CCT7: variants seen among roughly 807,000 people sequenced by gnomAD.
CCT7 encodes the protein chaperonin containing TCP1 subunit 7.
In CCT7, 16 loss-of-function variants were observed where a neutral mutation model predicts 56.6. The observed-to-expected ratio is 0.28, with a 90% confidence interval of 0.19 to 0.43. CCT7 has a LOEUF of 0.43. Ranked by LOEUF, CCT7 falls within the 20% of genes least tolerant of loss-of-function variation. The pLI is 1.00. For missense variants in CCT7, 519 were observed against 685.6 expected (o/e 0.76, Z 2.71); for synonymous variants, 262 against 254.8 (o/e 1.03, Z -0.27).
rs756429492 is a variant in CCT7, at chr2:73,252,860, G to A, written c.1631G>A (p.Ter544=). ...GGCCGTGGTCGTGGCCGCCCCCACT[G>A]AGAGGCACCCCACCCATCACATGGC... is the stretch of plus-strand genomic sequence containing the variant. ...GRGRGRGRPH[*] The change falls in exon 12 of 12, where the codon TGA becomes TAA. Residue 544 remains the stop codon, a stop_retained_variant. Coordinates refer to ENST00000258091, the MANE Select transcript of CCT7 (RefSeq NM_006429.4). The A allele has an allele frequency of 1.2e-6, 2 of 1,612,106 alleles. No individual in the cohort carries two copies. Among genetic ancestry groups the A allele is most frequent in the Admixed American group, 1.7e-5 (1 of 59,926 alleles).
intron 1 of CCT7, among the ~76,000 whole-genome samples, chr2:73,236,334 G>A (rs1383370947): frequency 2.0e-5 from 3 of 151,662 alleles, no homozygotes; most frequent in Non-Finnish European, 4.4e-5. Context: ...GTCTGCTCTT[G>A]TTTCTTTTTC....
chr2:73,244,313 G>C, intron 5 of CCT7: 1 of 601,438 alleles, frequency 1.7e-6, no homozygotes, highest in South Asian at 2.2e-5. Flanking sequence ...CTGTGTCCCA[G>C]CCCACAGAGC....
intron 1 of CCT7, among the ~76,000 whole-genome samples, chr2:73,236,541 G>A (rs1201750091): frequency 1.3e-5 from 2 of 152,102 alleles, no homozygotes; most frequent in Non-Finnish European, 2.9e-5. Flanking sequence ...GGGTTTCACC[G>A]TGTTGACCAG....
intron 6 of CCT7, among the ~76,000 whole-genome samples, chr2:73,246,081 GC>G (rs1027477650): frequency 6.6e-6 from 1 of 152,176 alleles, no homozygotes; most frequent in African/African-American, 2.4e-5. Context: ...AGCCACACTT[GC>G]GTTTTTCCGA....
chr2:73,237,217 TTGGAAGAATTGGAGCTC>T lies in CCT7; in HGVS notation c.7-2423_7-2407del, dbSNP rs377553103. On this transcript the variant is annotated intron_variant, in intron 1 of 11. Coordinates refer to ENST00000258091, the MANE Select transcript of CCT7 (RefSeq NM_006429.4). ...TGTTTATTACTGTAGAGAAAACTTCTTGGAAGAATTGGAGCTCTGAGGAATTGGTGGCCTGGTGGTGA... is the reference window on the plus strand; with the variant it reads ...TGTTTATTACTGTAGAGAAAACTTCTTGAGGAATTGGTGGCCTGGTGGTGA... Among the ~76,000 whole-genome samples, 100 of 152,322 alleles carry T rather than the reference TTGGAAGAATTGGAGCTC, an allele frequency of 6.6e-4. 1 individual carries two copies. In the East Asian group the frequency reaches 0.013, roughly 20 times the overall value.
intron 3 of CCT7, among the ~76,000 whole-genome samples, chr2:73,241,522 G>C (rs1298694883): frequency 6.6e-6 from 1 of 152,050 alleles, no homozygotes; most frequent in Admixed American, 6.5e-5. Context: ...AGGCCAAGGT[G>C]GGAGGATCCC....
intron 6 of CCT7, among the ~76,000 whole-genome samples, chr2:73,246,798 C>T (rs551558354): frequency 6.6e-6 from 1 of 152,274 alleles, no homozygotes; most frequent in African/African-American, 2.4e-5. Context: ...AATTTCTGCT[C>T]ATCTGTCATT....
In CCT7 at chr2:73,244,702, G is replaced by C; in HGVS notation, c.605G>C (p.Gly202Ala). ...LKMIGIKKVQ[G>A]GALEDSQLVA... Reference sequence around the variant, plus strand: ...ATGATTGGAATCAAGAAGGTACAGGGTGGAGCCCTCGAGGTAAGCCTGCTG... The same window carrying C: ...ATGATTGGAATCAAGAAGGTACAGGCTGGAGCCCTCGAGGTAAGCCTGCTG... Residue 202 changes from glycine (G) to alanine (A), a missense_variant, in exon 6 of 12, where the codon GGT becomes GCT. Gly to Ala is a moderately conservative substitution (Grantham distance 60). Around this residue, in one of 3 missense-constraint regions of CCT7, gnomAD observed 276 missense variants for 357.3 expected, o/e 0.77. Coordinates refer to ENST00000258091, the MANE Select transcript of CCT7 (RefSeq NM_006429.4). 6.2e-7 allele frequency: 1 copy of C among 1,612,020 alleles called. No homozygotes were observed. The highest frequency in any genetic ancestry group is 8.5e-7 in the Non-Finnish European group (1 of 1,178,578).
At chr2:73,249,289 G>GTTT in intron 8 of CCT7, 110 bp downstream of exon 8, 34 of 620,548 alleles carry the variant, frequency 5.5e-5, no homozygotes, top group East Asian at 7.4e-5. Context: ...ATTGAGCCCT[G>GTTT]TTTTTTTTTT....
intron 8 of CCT7, 71 bp downstream of exon 8, chr2:73,249,250 A>G: frequency 1.6e-6 from 2 of 1,221,360 alleles, no homozygotes; most frequent in Non-Finnish European, 2.3e-6. Flanking sequence ...CCCTGGTATA[A>G]CAGAGTGTAC....
intron 5 of CCT7, chr2:73,244,259 C>T (rs1203327379): frequency 6.4e-6 from 4 of 627,018 alleles, no homozygotes; most frequent in Non-Finnish European, 1.1e-5. Flanking sequence ...ATGCTGCAAT[C>T]CCTCTATGTG....
chr2:73,234,532 G>A lies in CCT7; in HGVS notation c.6+148G>A, dbSNP rs1686773845. The A allele has an allele frequency of 6.1e-6, 6 of 976,560 alleles. No individual in the cohort carries two copies. In the Admixed American group the frequency reaches 6.6e-5, roughly 11 times the overall value. The allele number at this position is 976,560 out of a possible 1,614,324, so 60.5% of individuals were successfully genotyped here. A position where few individuals can be genotyped will look rare whatever the true frequency, so the allele number is the denominator to read the frequency against. ...CCCAGCTTAGGGGCGACCCCAGCCA[G>A]CCGCGGCCTGGCTCGGCCCGAGCAC... On this transcript the variant is annotated intron_variant, in intron 1 of 11. Coordinates refer to ENST00000258091, the MANE Select transcript of CCT7 (RefSeq NM_006429.4).
Position 73,249,836 on chromosome 2 carries a change from C to T in CCT7, c.990C>T (p.Ile330=). Residue 330 remains isoleucine, a synonymous_variant, in exon 9 of 12, where the codon ATC becomes ATT. Coordinates refer to ENST00000258091, the MANE Select transcript of CCT7 (RefSeq NM_006429.4). The stretch of plus-strand genomic sequence containing the variant: ...CTCCCTAGGCCTGTGGAGGCTCAAT[C>T]CAGACCAGTGTGAATGCTCTGTCAG... ...KRTMMACGGS[I]QTSVNALSAD... 1 of 1,613,332 alleles carries T rather than the reference C, an allele frequency of 6.2e-7. No homozygotes were observed. The highest frequency in any genetic ancestry group is 8.5e-7 in the Non-Finnish European group (1 of 1,179,252).
At chr2:73,244,519 T>TG in intron 5 of CCT7, 25 bp from the exon 6 acceptor site, 2 of 1,589,998 alleles carry the variant, frequency 1.3e-6, no homozygotes, top group Non-Finnish European at 1.7e-6. Flanking sequence ...CAAGACCTGA[T>TG]GCAGATTCTG....
intron 1 of CCT7, among the ~76,000 whole-genome samples, chr2:73,236,310 G>A (rs1686881313): frequency 6.6e-6 from 1 of 152,034 alleles, no homozygotes; most frequent in African/African-American, 2.4e-5. Flanking sequence ...TTATACCTGT[G>A]GCCAATTACT....
rs914267243 is a variant in CCT7, at chr2:73,234,358, G to A, written c.-21G>A. ...CTCGGAGAAGAGGGGAGAGTGGCGGGCCGCTGAATAAGCTTCCAAAATGAT... is the reference window on the plus strand; with the variant it reads ...CTCGGAGAAGAGGGGAGAGTGGCGGACCGCTGAATAAGCTTCCAAAATGAT... On this transcript the variant is annotated 5_prime_UTR_variant, in exon 1 of 12. Transcript: ENST00000258091. The A allele has an allele frequency of 1.2e-6, 2 of 1,613,512 alleles. No individual in the cohort carries two copies. Among genetic ancestry groups the A allele is most frequent in the Admixed American group, 3.3e-5 (2 of 60,030 alleles).
chr2:73,236,110 T>G (rs1686870935), intron 1 of CCT7, among the ~76,000 whole-genome samples: 1 of 152,254 alleles, frequency 6.6e-6, no homozygotes, highest in Non-Finnish European at 1.5e-5. Context: ...AAAGGTCCCC[T>G]GAAACCTCAG....
Position 73,239,731 on chromosome 2 carries a change from T to C in CCT7, c.95T>C (p.Ile32Thr), listed in dbSNP as rs1412947362. ...LVSNISACQV[I>T]AEAVRTTLGP... is the part of the protein sequence containing the mutation. ...AGTAACATCAGTGCCTGCCAGGTGATTGCTGAGGCTGTAAGAACTACCCTG... is the reference window on the plus strand; with the variant it reads ...AGTAACATCAGTGCCTGCCAGGTGACTGCTGAGGCTGTAAGAACTACCCTG... The change falls in exon 2 of 12, where the codon ATT (isoleucine) becomes ACT (threonine). Residue 32 changes from isoleucine (I) to threonine (T), a missense_variant. Ile to Thr is a moderately conservative substitution (Grantham distance 89, BLOSUM62 -1). Around this residue, in one of 3 missense-constraint regions of CCT7, gnomAD observed 276 missense variants for 357.3 expected, o/e 0.77. Coordinates refer to ENST00000258091, the MANE Select transcript of CCT7 (RefSeq NM_006429.4). 6.2e-7 allele frequency: 1 copy of C among 1,613,996 alleles called. No individual in the cohort carries two copies. The highest frequency in any genetic ancestry group is 2.2e-5 in the East Asian group (1 of 44,882).
At chr2:73,250,226 G>A (rs139395789) in intron 9 of CCT7, 80 bp from the exon 10 acceptor site, 4 of 1,536,342 alleles carry the variant, frequency 2.6e-6, no homozygotes, top group African/African-American at 1.4e-5. Flanking sequence ...CTGAGTGTTG[G>A]GGGGGCTGGC....
Sources: gnomAD v4.1 joint callset for allele counts (sites outside exome capture counted in the v4.1 genomes callset) on GRCh38, gnomAD v4.1.1 for gene constraint, gnomAD v4.1.1 regional missense constraint, MANE v1.5 for transcripts, NCBI Gene and HGNC (gene_info 2026-07-23, HGNC 2026-07-21) for gene names.